Variants in RNF14 observed in about 807,000 individuals in gnomAD.
The protein encoded by RNF14 is ring finger protein 14, also known as E3 ubiquitin-protein ligase RNF14.
Under a neutral mutation model 52.6 loss-of-function variants are expected in RNF14, and 26 were observed. That is an observed-to-expected ratio of 0.49 (90% CI 0.36 to 0.69). RNF14 has a LOEUF of 0.69. Among genes scored for constraint, RNF14 ranks in the 30% least tolerant of loss-of-function variants. The pLI, the probability that RNF14 is intolerant of heterozygous loss-of-function variation, is 0.00. For synonymous variants in RNF14, 194 were observed against 202.0 expected (o/e 0.96, Z 0.34); for missense variants, 404 against 560.4 (o/e 0.72, Z 2.82).
chr5:141,961,894 C>A (rs1001743391), upstream of RNF14, among the ~76,000 whole-genome samples: 2 of 152,180 alleles, frequency 1.3e-5, no homozygotes, highest in African/African-American at 4.8e-5. Flanking sequence ...ACGAATGTCC[C>A]GCTGGGCTGG....
chr5:141,964,828 CAT>C (rs1360656123), upstream of RNF14, among the ~76,000 whole-genome samples: 5 of 148,178 alleles, frequency 3.4e-5, no homozygotes, highest in Admixed American at 3.4e-4. Flanking sequence ...GGTTTCACCA[CAT>C]TGGCCAGGCT....
chr5:141,951,509 T>G, the RNF14 span: 5 of 1,614,152 alleles, frequency 3.1e-6, no homozygotes, highest in Non-Finnish European at 4.2e-6. Context: ...CCTCCTGGCT[T>G]GGCCAAGTAC....
upstream of RNF14, among the ~76,000 whole-genome samples, chr5:141,962,466 G>A (rs527739389): frequency 3.3e-5 from 5 of 152,208 alleles, no homozygotes; most frequent in East Asian, 3.9e-4. Flanking sequence ...GCTCAGTTCC[G>A]CACCCTTCAT....
At chr5:141,966,188 C>T (rs898368152), upstream of RNF14, among the ~76,000 whole-genome samples, 3 of 151,960 alleles carry the variant, frequency 2.0e-5, no homozygotes, top group East Asian at 1.9e-4. Flanking sequence ...GGCTGAGGCA[C>T]GAGAATCGCT....
At position 141,983,448 on chromosome 5, in the gene RNF14, A is replaced by T; in HGVS notation, c.1132A>T (p.Arg378Trp). ...GGCTAATAAAAGACTTTTGGATCAA[A>T]GGTATGGTAAGAGAGTGATTCAGAA... ...DEANKRLLDQRYGKRVIQKAL... is the reference protein window; with the variant it reads ...DEANKRLLDQWYGKRVIQKAL... The change falls in exon 7 of 9, where the codon AGG (arginine) becomes TGG (tryptophan). Residue 378 changes from arginine to tryptophan, a missense_variant. By Grantham distance (101) the Arg-to-Trp change is moderately radical (BLOSUM62 -3). Transcript: ENST00000394520. 6.2e-7 allele frequency: 1 copy of T among 1,613,884 alleles called. No homozygotes were observed. Among genetic ancestry groups the T allele is most frequent in the Non-Finnish European group, 8.5e-7 (1 of 1,179,926 alleles).
intron 7 of RNF14, 50 bp from the exon 8 acceptor site, chr5:141,984,753 C>T: frequency 6.3e-7 from 1 of 1,595,984 alleles, no homozygotes; most frequent in Non-Finnish European, 8.6e-7. Context: ...TGTGCTGTCT[C>T]TTCTGCTTTT....
chr5:141,986,861 T>G (rs1228748089), intron 8 of RNF14, among the ~76,000 whole-genome samples: 1 of 152,230 alleles, frequency 6.6e-6, no homozygotes, highest in Non-Finnish European at 1.5e-5. Context: ...ACGCTGCATG[T>G]GCAGTTGAGC....
chr5:141,956,839 A>C (rs746897767), upstream of RNF14: 2 of 1,614,068 alleles, frequency 1.2e-6, no homozygotes, highest in Non-Finnish European at 8.5e-7. Flanking sequence ...CTTGATGAGA[A>C]CTTTGCAATG....
chr5:141,985,659 C>A (rs1016369489), intron 8 of RNF14, among the ~76,000 whole-genome samples: 1 of 152,140 alleles, frequency 6.6e-6, no homozygotes, highest in Admixed American at 6.5e-5. Flanking sequence ...GGGTTCATGC[C>A]ATTCTGCCTC....
chr5:141,956,461 C>T (rs1753186226), upstream of RNF14: 2 of 1,614,198 alleles, frequency 1.2e-6, no homozygotes, highest in African/African-American at 1.3e-5. Context: ...GACTTCATAC[C>T]TGCTTTTCTC....
rs1596720692 is a variant in RNF14, at chr5:141,987,860, T to C, written c.*70T>C. ...CTTCCGTCAAGTACACAAAGTAACT[T>C]TGCGGGATATTTAGGGTACTATTCA... On this transcript the variant is annotated 3_prime_UTR_variant, in exon 9 of 9. Transcript: ENST00000394520. 1 of 1,427,300 alleles carries C rather than the reference T, an allele frequency of 7.0e-7. No homozygotes were observed. Among genetic ancestry groups the C allele is most frequent in the Non-Finnish European group, 9.9e-7 (1 of 1,011,684 alleles). The allele number at this position is 1,427,300 out of a possible 1,614,324, so 88.4% of individuals were successfully genotyped here.
At chr5:141,949,600 C>G in the RNF14 span, 4 of 1,611,922 alleles carry the variant, frequency 2.5e-6, no homozygotes, top group Admixed American at 1.7e-5. Flanking sequence ...AAGAAACCAA[C>G]CAGTCCATGG....
At chr5:141,953,589 A>G (rs1038382678), upstream of RNF14, among the ~76,000 whole-genome samples, 3 of 152,214 alleles carry the variant, frequency 2.0e-5, no homozygotes, top group Non-Finnish European at 4.4e-5. Context: ...TTGATCCCAA[A>G]TGGGCACCTT....
In RNF14 at chr5:141,987,716, T is replaced by C. The variant is rs764972691; in HGVS notation, c.1368-17T>C. The C allele has an allele frequency of 3.1e-6, 5 of 1,612,148 alleles. No individual in the cohort carries two copies. The East Asian group carries it at 1.1e-4, about 36-fold the overall frequency. On this transcript the variant is annotated splice_polypyrimidine_tract_variant and intron_variant, in intron 8 of 8. Coordinates refer to ENST00000394520, the MANE Select transcript of RNF14 (RefSeq NM_004290.5). The stretch of plus-strand genomic sequence containing the variant: ...TCGTTCAAGTGTATAAAAATGTACC[T>C]TTTTTAATGCTTCCAGGCTGTTTTA...
chr5:141,973,886 A>C (rs1375469861), intron 3 of RNF14, 144 bp downstream of exon 3: 1 of 703,914 alleles, frequency 1.4e-6, no homozygotes, highest in African/African-American at 1.8e-5. Context: ...TTAAATGAAA[A>C]TTGCAATGAG....
chr5:141,989,694 A>T lies in RNF14; in HGVS notation c.*1904A>T, dbSNP rs1304403038. On this transcript the variant is annotated 3_prime_UTR_variant, in exon 9 of 9. Transcript: ENST00000394520. ...AGCGACAGAGCGAGACTCCTTCTCAAAAAAAAAAAAAAAAAAAATTGAGGT... is the reference window on the plus strand; with the variant it reads ...AGCGACAGAGCGAGACTCCTTCTCATAAAAAAAAAAAAAAAAAATTGAGGT... 1.5e-4 allele frequency: 1 copy of T among 6,608 alleles called. No individual in the cohort carries two copies. The highest frequency in any genetic ancestry group is 3.1e-4 in the Non-Finnish European group (1 of 3,194). The allele number at this position is 6,608 out of a possible 1,614,324, so 0.4% of individuals were successfully genotyped here.
chr5:141,963,740 T>C (rs1384030476), upstream of RNF14, among the ~76,000 whole-genome samples: 4 of 152,218 alleles, frequency 2.6e-5, no homozygotes, highest in Non-Finnish European at 5.9e-5. Flanking sequence ...CTCTAAACCA[T>C]TGGCTTGGTT....
upstream of RNF14, chr5:141,955,536 C>T: frequency 6.2e-7 from 1 of 1,614,162 alleles, no homozygotes; most frequent in Non-Finnish European, 8.5e-7. This position sits in a 1 kb window ranked among gnomAD's most constrained non-coding sequence, Gnocchi z 5.5. Context: ...GGATGTCTGC[C>T]TTCTGAATGT....
At chr5:141,956,808 G>A (rs140376506), upstream of RNF14, 4 of 1,614,128 alleles carry the variant, frequency 2.5e-6, no homozygotes, top group African/African-American at 2.7e-5. Context: ...TGCTTGGGAT[G>A]TTGTCATTGA....
Sources: gnomAD v4.1 joint callset for allele counts (sites outside exome capture counted in the v4.1 genomes callset) on GRCh38, gnomAD v4.1.1 for gene constraint, Gnocchi (gnomAD v3.1) non-coding constraint, MANE v1.5 for transcripts, NCBI Gene and HGNC (gene_info 2026-07-23, HGNC 2026-07-21) for gene names.